MGLL: variants seen among roughly 807,000 people sequenced by gnomAD.
MGLL encodes the protein monoglyceride lipase.
A neutral mutation model predicts 29.1 loss-of-function variants in MGLL; 7 were observed. That is an observed-to-expected ratio of 0.24 (90% CI 0.14 to 0.45). MGLL has a LOEUF of 0.45. MGLL is among the 20% of genes least tolerant of loss of function. The probability of loss-of-function intolerance (pLI) is 0.99; values close to 1 mark genes in which losing one functional copy is unlikely to be tolerated. For missense variants in MGLL, 356 were observed against 413.6 expected (o/e 0.86, Z 1.21); for synonymous variants, 148 against 168.3 (o/e 0.88, Z 0.93).
chr3:127,787,774 C>T (rs1454074817), intron 2 of MGLL, among the ~76,000 whole-genome samples: 3 of 152,262 alleles, frequency 2.0e-5, no homozygotes, highest in African/African-American at 4.8e-5. Flanking sequence ...CTGGATCCCT[C>T]ACTTCATCCT....
chr3:127,723,063 A>T (rs2075962481), intron 3 of MGLL, among the ~76,000 whole-genome samples: 1 of 152,250 alleles, frequency 6.6e-6, no homozygotes, highest in African/African-American at 2.4e-5. Context: ...TATGACAAAC[A>T]TAAAATAATA....
intron 3 of MGLL, among the ~76,000 whole-genome samples, chr3:127,765,770 G>A (rs558494296): frequency 3.3e-5 from 5 of 152,198 alleles, no homozygotes; most frequent in Non-Finnish European, 7.3e-5. Flanking sequence ...TGGCCGCATC[G>A]CTCCAGATTA....
chr3:127,735,818 G>A lies in MGLL; in HGVS notation c.263-13252C>T, dbSNP rs180944812. On this transcript the variant is annotated intron_variant, in intron 3 of 7. Transcript: ENST00000265052. ...AAATTCTGGCATTCTCTTGGTGCTC[G>A]CATCCTTCCAGGGGAAGATCCTTCT... 8 of 1,598,060 alleles carry A rather than the reference G, an allele frequency of 5.0e-6. No homozygotes were observed. In the African/African-American group the frequency reaches 5.3e-5, roughly 11 times the overall value.
chr3:127,810,510 G>A (rs1321798070), intron 2 of MGLL, among the ~76,000 whole-genome samples: 1 of 152,056 alleles, frequency 6.6e-6, no homozygotes, highest in African/African-American at 2.4e-5. Flanking sequence ...TCAAGATCCA[G>A]CTGAAAGTCA....
chr3:127,813,694 G>A (rs1316447589), intron 2 of MGLL, among the ~76,000 whole-genome samples: 1 of 152,174 alleles, frequency 6.6e-6, no homozygotes, highest in Non-Finnish European at 1.5e-5. Context: ...TTCCATCTAT[G>A]AAATGATGAG....
intron 6 of MGLL, among the ~76,000 whole-genome samples, chr3:127,697,381 C>T (rs146477796): frequency 6.6e-6 from 1 of 152,348 alleles, no homozygotes; most frequent in East Asian, 1.9e-4. Context: ...GTCTGCCCGG[C>T]ACTAAGTGTT....
At chr3:127,789,566 G>T (rs965619727) in intron 2 of MGLL, among the ~76,000 whole-genome samples, 2 of 152,078 alleles carry the variant, frequency 1.3e-5, no homozygotes, top group Non-Finnish European at 2.9e-5. Context: ...TTAAAAATTA[G>T]CAGGGTGTGG....
rs1341487643 is a variant in MGLL at position 127,722,541 on chromosome 3, C to T, written c.288G>A (p.Glu96=). The change falls in exon 4 of 8, where the codon GAG becomes GAA. Residue 96 remains glutamate (E), a synonymous_variant. Coordinates refer to ENST00000265052, the MANE Select transcript of MGLL (RefSeq NM_007283.7). ...DHVGHGQSEG[E]RMVVSDFHVF... ...CGTGGAAGTCAGACACTACCATCCTCTCCCCTTCGCTCTGTCCGTGGCCAA... is the reference window on the plus strand; with the variant it reads ...CGTGGAAGTCAGACACTACCATCCTTTCCCCTTCGCTCTGTCCGTGGCCAA... 1 of 1,614,236 alleles carries T rather than the reference C, an allele frequency of 6.2e-7. No homozygotes were observed. The highest frequency in any genetic ancestry group is 1.1e-5 in the South Asian group (1 of 91,086).
At chr3:127,820,670 C>G (rs1345324039) in intron 2 of MGLL, among the ~76,000 whole-genome samples, 1 of 152,118 alleles carries the variant, frequency 6.6e-6, no homozygotes, top group Non-Finnish European at 1.5e-5. Flanking sequence ...TCCTCTAATG[C>G]GTATGCACGT....
chr3:127,796,613 G>C (rs922965628), intron 2 of MGLL, among the ~76,000 whole-genome samples: 1 of 152,142 alleles, frequency 6.6e-6, no homozygotes, highest in Non-Finnish European at 1.5e-5. Flanking sequence ...GGGTCAGCAG[G>C]ACATAAGAAC....
chr3:127,695,295 A>G lies in MGLL; in HGVS notation c.601-105T>C, dbSNP rs1003227855. The G allele has an allele frequency of 2.5e-6, 3 of 1,185,990 alleles. No homozygotes were observed. The African/African-American group carries it at 4.5e-5, about 18-fold the overall frequency. 73.5% of individuals were successfully genotyped at this position (1,185,990 alleles called of 1,614,324 possible). On this transcript the variant is annotated intron_variant, in intron 6 of 7. Transcript: ENST00000265052. ...CCTTCTGCTCTGGCCTGAAGGGTTG[A>G]TTCCATTCAGGTCAGCTGGGCTTGG...
chr3:127,805,633 A>G (rs1408441773), intron 2 of MGLL, among the ~76,000 whole-genome samples: 1 of 152,248 alleles, frequency 6.6e-6, no homozygotes, highest in African/African-American at 2.4e-5. Context: ...GCTGAGTTAC[A>G]GGCATGGTTC....
intron 2 of MGLL, among the ~76,000 whole-genome samples, chr3:127,818,384 T>C (rs577875346): frequency 2.8e-4 from 42 of 152,246 alleles, no homozygotes; most frequent in African/African-American, 8.2e-4. Flanking sequence ...TAATCTTTTT[T>C]TTTTTTTAAG....
At chr3:127,820,659 T>C (rs1440056698) in intron 2 of MGLL, among the ~76,000 whole-genome samples, 1 of 152,128 alleles carries the variant, frequency 6.6e-6, no homozygotes, top group Non-Finnish European at 1.5e-5. Flanking sequence ...ACCCCCCCAC[T>C]TCCTCTAATG....
intron 2 of MGLL, among the ~76,000 whole-genome samples, chr3:127,797,400 C>G (rs1007347018): frequency 1.3e-5 from 2 of 152,082 alleles, no homozygotes; most frequent in African/African-American, 2.4e-5. Context: ...AAGACTCAGT[C>G]TAGTCTTGCT....
chr3:127,794,573 T>C (rs1250718739), intron 2 of MGLL, among the ~76,000 whole-genome samples: 1 of 152,174 alleles, frequency 6.6e-6, no homozygotes, highest in East Asian at 1.9e-4. Context: ...TGTAAGGCTG[T>C]CTTCTGTGAT....
chr3:127,755,956 T>C (rs552869438), intron 3 of MGLL, among the ~76,000 whole-genome samples: 1 of 152,280 alleles, frequency 6.6e-6, no homozygotes, highest in Admixed American at 6.5e-5. Context: ...GCACTCTACC[T>C]CCCAGCCTCC....
chr3:127,714,653 C>T (rs1387970791), intron 5 of MGLL, among the ~76,000 whole-genome samples: 4 of 152,158 alleles, frequency 2.6e-5, no homozygotes, highest in African/African-American at 4.8e-5. Context: ...CACTAAATCC[C>T]GAGGAATGCC....
At position 127,763,557 on chromosome 3, in the gene MGLL, C is replaced by T. The variant is rs562823864; in HGVS notation, c.262+18232G>A. On this transcript the variant is annotated intron_variant, in intron 3 of 7. Coordinates refer to ENST00000265052, the MANE Select transcript of MGLL (RefSeq NM_007283.7). ...ACAGCAGCCACGGCCATCTGGATCT[C>T]GGACCCTGCCCAAGCAACCTGGGTG... Among the ~76,000 whole-genome samples the T allele has an allele frequency of 3.5e-4, 54 of 152,338 alleles. 1 individual carries two copies. Among genetic ancestry groups the T allele is most frequent in the Middle Eastern group, 3.4e-3 (1 of 294 alleles).
Sources: allele counts gnomAD v4.1 joint callset (sites outside exome capture counted in the v4.1 genomes callset), GRCh38; gene constraint gnomAD v4.1.1; transcripts MANE v1.5; gene names NCBI Gene and HGNC (gene_info 2026-07-23, HGNC 2026-07-21).